Variants in TMEM114 observed in about 807,000 individuals in gnomAD.
The protein encoded by TMEM114 is claudin-26.
In TMEM114, 6 loss-of-function variants were observed where a neutral mutation model predicts 6.2. The ratio of observed to expected loss-of-function variants is 0.97; its 90% CI spans 0.53 to 1.91. TMEM114 has a LOEUF of 1.91. TMEM114 is among the 40% of genes most tolerant of loss of function. The pLI is 0.01. For synonymous variants in TMEM114, 104 were observed against 73.0 expected, an observed-to-expected ratio of 1.42 and a Z score of -2.16; for missense variants, 218 against 158.3, an observed-to-expected ratio of 1.38 and a Z score of -2.02.
chr16:8,565,991 A>C (rs1901529749), downstream of TMEM114, among the ~76,000 whole-genome samples: 1 of 152,206 alleles, frequency 6.6e-6, no homozygotes, highest in Non-Finnish European at 1.5e-5. Flanking sequence ...GACAAGACAG[A>C]ATGGAACAGA....
chr16:8,527,120 T>C, the TMEM114 span, among the ~76,000 whole-genome samples: 1 of 152,164 alleles, frequency 6.6e-6, no homozygotes, highest in South Asian at 2.1e-4. Flanking sequence ...GGCAGGAGAA[T>C]TGCTTGAACC....
chr16:8,559,814 C>G (rs1484883022), intron 2 of TMEM114, among the ~76,000 whole-genome samples: 2 of 152,116 alleles, frequency 1.3e-5, no homozygotes, highest in Non-Finnish European at 2.9e-5. Context: ...GCCCAGGTTT[C>G]CATGACAGAA....
chr16:8,589,174 C>G (rs1158486177), intron 2 of TMEM114, 39 bp downstream of exon 2: 4 of 398,646 alleles, frequency 1.0e-5, no homozygotes, highest in South Asian at 1.3e-4. Context: ...ACGGCTAGGA[C>G]CGGGGCGCTC....
At chr16:8,531,901 A>G in the TMEM114 span, 4 of 150,830 alleles carry the variant, frequency 2.7e-5, no homozygotes, top group Middle Eastern at 3.2e-3. Flanking sequence ...CCCTTGGCAG[A>G]TAGCTCTGTT....
At chr16:8,548,489 G>A (rs1164517019) in intron 2 of TMEM114, among the ~76,000 whole-genome samples, 2 of 151,440 alleles carry the variant, frequency 1.3e-5, no homozygotes, top group African/African-American at 2.4e-5. Flanking sequence ...TTTCCTAATC[G>A]TCACCCCACA....
rs183012109 is a variant in TMEM114 at position 8,546,403 on chromosome 16, T to C, written n.213-8577A>G. On this transcript the variant is annotated intron_variant and non_coding_transcript_variant, in intron 2 of 2. Transcript: ENST00000623677. ...TTACATGTTTACCTGAGACACTGAA[T>C]GTACCGACAGTAGCCAGACTCTATA... is the stretch of plus-strand genomic sequence containing the variant. Among the ~76,000 whole-genome samples the C allele has an allele frequency of 1.9e-3, 295 of 152,298 alleles. 3 individuals carry two copies. The highest frequency in any genetic ancestry group is 6.9e-3 in the African/African-American group (285 of 41,562).
Position 8,569,765 on chromosome 16 carries a change from G to T in TMEM114, c.*8C>A. 6.5e-7 allele frequency: 1 copy of T among 1,546,666 alleles called. No individual in the cohort carries two copies. The highest frequency in any genetic ancestry group is 1.2e-5 in the South Asian group (1 of 83,916). On this transcript the variant is annotated 3_prime_UTR_variant, in exon 4 of 4. Coordinates refer to ENST00000620492, the MANE Select transcript of TMEM114 (RefSeq NM_001146336.2). ...CCCTCCCTCCCCTCCACGACCCAGC[G>T]CCCAGGCTCATATGGCCTGGTCCTG... is the stretch of plus-strand genomic sequence containing the variant.
the TMEM114 span, chr16:8,531,797 C>G: frequency 6.6e-6 from 1 of 152,000 alleles, no homozygotes; most frequent in Admixed American, 6.5e-5. Flanking sequence ...CATGAGAAAA[C>G]TGAATAGTCT....
chr16:8,536,825 C>T (rs1030531053), downstream of TMEM114, among the ~76,000 whole-genome samples: 4 of 152,088 alleles, frequency 2.6e-5, no homozygotes, highest in Admixed American at 2.0e-4. Context: ...TAGTAAAAGG[C>T]AGAGCAGGTG....
chr16:8,550,759 G>A (rs1900815958), intron 2 of TMEM114, among the ~76,000 whole-genome samples: 2 of 150,746 alleles, frequency 1.3e-5, no homozygotes, highest in Admixed American at 1.3e-4. Context: ...CCAGCTCTTG[G>A]GGCTCTGAAT....
intron 1 of TMEM114, 75 bp downstream of exon 1, chr16:8,589,544 C>A: frequency 2.5e-6 from 1 of 398,462 alleles, no homozygotes; most frequent in Non-Finnish European, 4.4e-6. Context: ...CGCCAAGCAA[C>A]AGGTCCCAAG....
rs1902426349 is a variant in TMEM114, at chr16:8,589,752, C to T, written c.87G>A (p.Thr29=). The change falls in exon 1 of 4, where the codon ACG becomes ACA. Residue 29 remains threonine, a synonymous_variant. Coordinates refer to ENST00000620492, the MANE Select transcript of TMEM114 (RefSeq NM_001146336.2). ...SFVLLAAAIG[T]DFWYIIDTER... is the part of the protein sequence containing the mutation. ...CGGTGTCAATGATATACCAGAAGTC[C>T]GTGCCGATGGCGGCCGCCAGGAGCA... 2 of 398,414 alleles carry T rather than the reference C, an allele frequency of 5.0e-6. No individual in the cohort carries two copies. Among genetic ancestry groups the T allele is most frequent in the Non-Finnish European group, 8.8e-6 (2 of 226,072 alleles). The allele number at this position is 398,414 out of a possible 1,614,324, so 24.7% of individuals were successfully genotyped here. A position where few individuals can be genotyped will look rare whatever the true frequency, so the allele number is the denominator to read the frequency against.
chr16:8,545,225 T>C (rs1307868276), intron 2 of TMEM114, among the ~76,000 whole-genome samples: 1 of 152,088 alleles, frequency 6.6e-6, no homozygotes, highest in East Asian at 1.9e-4. Flanking sequence ...ATTACTTGCA[T>C]CCACGAGTCC....
chr16:8,542,379 A>C (rs1469278956), intron 2 of TMEM114, among the ~76,000 whole-genome samples: 1 of 152,192 alleles, frequency 6.6e-6, no homozygotes, highest in East Asian at 1.9e-4. Context: ...AAAGAAACCC[A>C]GATAAGGAGA....
At chr16:8,563,698 TTA>T (rs1901382865) in intron 2 of TMEM114, among the ~76,000 whole-genome samples, 1 of 150,304 alleles carries the variant, frequency 6.7e-6, no homozygotes, top group African/African-American at 2.5e-5. Flanking sequence ...AATGAGTGAG[TTA>T]GTGAATGAGT....
intron 2 of TMEM114, among the ~76,000 whole-genome samples, chr16:8,562,264 G>GTGAA: frequency 7.7e-6 from 1 of 129,990 alleles, no homozygotes; most frequent in East Asian, 2.4e-4. Flanking sequence ...AAATGAGTGA[G>GTGAA]GGAGGGAGGG....
intron 2 of TMEM114, among the ~76,000 whole-genome samples, chr16:8,550,802 T>C (rs1021671503): frequency 6.6e-6 from 1 of 151,884 alleles, no homozygotes; most frequent in Admixed American, 6.6e-5. Flanking sequence ...TATCCACACA[T>C]GCTTGTGGCT....
chr16:8,569,765 G>C lies in TMEM114; in HGVS notation c.*8C>G, dbSNP rs900007085. 23 of 1,546,666 alleles carry C rather than the reference G, an allele frequency of 1.5e-5. No individual in the cohort carries two copies. The highest frequency in any genetic ancestry group is 2.0e-5 in the Non-Finnish European group (23 of 1,144,248). Reference sequence around the variant, plus strand: ...CCCTCCCTCCCCTCCACGACCCAGCGCCCAGGCTCATATGGCCTGGTCCTG... The same window carrying C: ...CCCTCCCTCCCCTCCACGACCCAGCCCCCAGGCTCATATGGCCTGGTCCTG... On this transcript the variant is annotated 3_prime_UTR_variant, in exon 4 of 4. Transcript: ENST00000620492.
intron 2 of TMEM114, among the ~76,000 whole-genome samples, chr16:8,551,962 G>C (rs1158862780): frequency 6.6e-6 from 1 of 152,214 alleles, no homozygotes; most frequent in East Asian, 1.9e-4. Context: ...ATTATGCTGA[G>C]TGAAGAAAAG....
Sources: allele counts gnomAD v4.1 joint callset (sites outside exome capture counted in the v4.1 genomes callset), GRCh38; gene constraint gnomAD v4.1.1; transcripts MANE v1.5; gene names NCBI Gene and HGNC (gene_info 2026-07-23, HGNC 2026-07-21).